ABCA13: variants seen among roughly 807,000 people sequenced by gnomAD.
ABCA13 encodes ATP-binding cassette sub-family A member 13.
In ABCA13, 476 loss-of-function variants were observed where a neutral mutation model predicts 478.7. The ratio of observed to expected loss-of-function variants is 0.99; its 90% CI spans 0.92 to 1.07. The LOEUF (loss-of-function observed/expected upper bound fraction) is 1.07, where lower values mean the gene tolerates loss of function less well. Among genes scored for constraint, ABCA13 ranks in the 50% least tolerant of loss-of-function variants. The pLI is 0.00. For missense variants in ABCA13, 6,060 were observed against 5,910.6 expected (o/e 1.03, Z -0.83); for synonymous variants, 2,252 against 2,158.9 (o/e 1.04, Z -1.20).
chr7:48,620,393 C>T (rs1168061163), intron 59 of ABCA13, among the ~76,000 whole-genome samples: 1 of 152,158 alleles, frequency 6.6e-6, no homozygotes, highest in Non-Finnish European at 1.5e-5. Context: ...GAGCAACCCT[C>T]GGCTTCATGG....
At chr7:48,317,600 T>C (rs1802783567) in intron 27 of ABCA13, among the ~76,000 whole-genome samples, 1 of 152,238 alleles carries the variant, frequency 6.6e-6, no homozygotes, top group African/African-American at 2.4e-5. Context: ...GAGGACTGTT[T>C]GGAGTAATTC....
At chr7:48,345,267 G>A (rs1162591112) in intron 29 of ABCA13, among the ~76,000 whole-genome samples, 1 of 152,188 alleles carries the variant, frequency 6.6e-6, no homozygotes, top group Non-Finnish European at 1.5e-5. Flanking sequence ...TGGTGTATGT[G>A]TTTAATTCAA....
intron 19 of ABCA13, among the ~76,000 whole-genome samples, chr7:48,287,016 T>G (rs1217629514): frequency 6.6e-6 from 1 of 152,122 alleles, no homozygotes; most frequent in Non-Finnish European, 1.5e-5. Context: ...CCGTGGCAGG[T>G]CTTGTGCAGA....
chr7:48,322,898 A>G (rs764212834), intron 27 of ABCA13, among the ~76,000 whole-genome samples: 4 of 151,996 alleles, frequency 2.6e-5, no homozygotes, highest in Non-Finnish European at 4.4e-5. Context: ...GTTCTCTATC[A>G]CTATAGGTAG....
intron 1 of ABCA13, among the ~76,000 whole-genome samples, chr7:48,187,268 C>CTTT (rs539089022): frequency 1.6e-5 from 2 of 127,474 alleles, no homozygotes; most frequent in African/African-American, 5.7e-5. Flanking sequence ...AGGGAGTTGT[C>CTTT]TTTTTTTTTT....
At chr7:48,480,136 T>C (rs1381584228) in intron 45 of ABCA13, among the ~76,000 whole-genome samples, 1 of 152,164 alleles carries the variant, frequency 6.6e-6, no homozygotes, top group African/African-American at 2.4e-5. Flanking sequence ...GTTCAGAAAA[T>C]GAGACTCCAG....
intron 55 of ABCA13, among the ~76,000 whole-genome samples, chr7:48,569,756 C>T (rs1585840742): frequency 6.6e-6 from 1 of 152,150 alleles, no homozygotes; most frequent in South Asian, 2.1e-4. Context: ...AACTCCTAAC[C>T]TAAAATGGTC....
At chr7:48,451,881 A>G (rs891855973) in intron 42 of ABCA13, among the ~76,000 whole-genome samples, 2 of 152,226 alleles carry the variant, frequency 1.3e-5, no homozygotes, top group Non-Finnish European at 2.9e-5. Context: ...ATGGGAATGC[A>G]TGATTATGGA....
chr7:48,515,865 C>T (rs1043284153), intron 51 of ABCA13, among the ~76,000 whole-genome samples: 2 of 152,008 alleles, frequency 1.3e-5, no homozygotes, highest in African/African-American at 4.8e-5. Flanking sequence ...AGTATTATTC[C>T]TGCCTTCCTG....
At chr7:48,294,436 T>TTTTG (rs1799056371) in intron 20 of ABCA13, among the ~76,000 whole-genome samples, 1 of 137,934 alleles carries the variant, frequency 7.2e-6, no homozygotes, top group Non-Finnish European at 1.5e-5. Flanking sequence ...TTTTTTTTTT[T>TTTTG]TTTTTGTTTT....
At chr7:48,247,357 A>T (rs34262035) in intron 13 of ABCA13, among the ~76,000 whole-genome samples, 41,290 of 152,094 alleles carry the variant, frequency 0.27, 6,334 homozygotes, top group Non-Finnish European at 0.36. Context: ...CCTGGCAGAA[A>T]TCCTATCTCA....
chr7:48,546,409 T>C (rs953309341), intron 55 of ABCA13, among the ~76,000 whole-genome samples: 1 of 151,628 alleles, frequency 6.6e-6, no homozygotes, highest in East Asian at 1.9e-4. Context: ...ACATAATGAA[T>C]CAAAATGCAT....
chr7:48,294,216 G>A (rs1393571191), intron 20 of ABCA13, among the ~76,000 whole-genome samples: 5 of 151,918 alleles, frequency 3.3e-5, no homozygotes, highest in East Asian at 1.9e-4. Flanking sequence ...TTTGTGTGTC[G>A]TGCGTGTGTG....
chr7:48,529,448 A>G (rs1833082405), intron 55 of ABCA13, among the ~76,000 whole-genome samples: 2 of 152,164 alleles, frequency 1.3e-5, no homozygotes, highest in Admixed American at 1.3e-4. Flanking sequence ...ACTCATGGTA[A>G]CTTGATGGGT....
chr7:48,500,407 T>C (rs1174345655), intron 48 of ABCA13, among the ~76,000 whole-genome samples: 2 of 152,026 alleles, frequency 1.3e-5, no homozygotes, highest in African/African-American at 4.8e-5. Context: ...ACCTGTGTCT[T>C]GTTTGTTCTT....
In ABCA13 at chr7:48,411,027, CTTTCTTTCTTTCTTTCTTTCTT is replaced by C. The variant is rs1236025518; in HGVS notation, c.12228+386_12228+407del. Among the ~76,000 whole-genome samples, 173 of 115,684 alleles carry C rather than the reference CTTTCTTTCTTTCTTTCTTTCTT, an allele frequency of 1.5e-3. 5 individuals carry two copies. The highest frequency in any genetic ancestry group is 5.3e-3 in the African/African-American group (165 of 31,288). The allele number at this position is 115,684 out of a possible 152,430, so 75.9% of individuals were successfully genotyped here. A position where few individuals can be genotyped will look rare whatever the true frequency, so the allele number is the denominator to read the frequency against. On this transcript the variant is annotated intron_variant, in intron 40 of 61. Coordinates refer to ENST00000435803, the MANE Select transcript of ABCA13 (RefSeq NM_152701.5). The stretch of plus-strand genomic sequence containing the variant: ...TCTTTCTTTCTTTCTTTCTTTCTTT[CTTTCTTTCTTTCTTTCTTTCTT>C]TTTCTTTCTTTCTTTCTTTCTTTTT...
chr7:48,270,148 A>T (rs189958199), intron 16 of ABCA13, among the ~76,000 whole-genome samples: 2 of 152,334 alleles, frequency 1.3e-5, no homozygotes, highest in African/African-American at 4.8e-5. Flanking sequence ...AAATCATTGA[A>T]CATTAAGTGC....
At chr7:48,489,738 A>G (rs990125414) in intron 48 of ABCA13, among the ~76,000 whole-genome samples, 2 of 152,222 alleles carry the variant, frequency 1.3e-5, no homozygotes, top group African/African-American at 2.4e-5. Flanking sequence ...GAAGATGAAC[A>G]TCACATTTTG....
intron 23 of ABCA13, among the ~76,000 whole-genome samples, chr7:48,303,469 G>A (rs769294631): frequency 6.6e-6 from 1 of 152,066 alleles, no homozygotes; most frequent in Non-Finnish European, 1.5e-5. Flanking sequence ...ATAGTTTTGG[G>A]TTTTACATTT....
Sources: allele counts gnomAD v4.1 joint callset (sites outside exome capture counted in the v4.1 genomes callset), GRCh38; gene constraint gnomAD v4.1.1; transcripts MANE v1.5; gene names NCBI Gene and HGNC (gene_info 2026-07-23, HGNC 2026-07-21).